The following C8orf89 variants were observed in gnomAD, a reference collection of about 807,000 sequenced individuals.
C8orf89 encodes the protein chromosome 8 open reading frame 89.
Under a neutral mutation model 15.8 loss-of-function variants are expected in C8orf89, and 14 were observed. The ratio of observed to expected loss-of-function variants is 0.89; its 90% CI spans 0.59 to 1.39. The LOEUF (loss-of-function observed/expected upper bound fraction) is 1.39. Among genes scored for constraint, C8orf89 ranks in the 40% most tolerant of loss-of-function variants. The pLI is 0.00. For synonymous variants in C8orf89, 55 were observed against 62.2 expected (o/e 0.88, Z 0.54); for missense variants, 181 against 184.5 (o/e 0.98, Z 0.11).
rs193246634 is a variant in C8orf89, at chr8:73,253,334, T to C, written c.282-3011A>G. Among the ~76,000 whole-genome samples, 434 of 152,360 alleles carry C rather than the reference T, an allele frequency of 2.8e-3. 1 individual carries two copies. The highest frequency in any genetic ancestry group is 1.0e-2 in the African/African-American group (415 of 41,588). On this transcript the variant is annotated intron_variant, in intron 2 of 3. Transcript: ENST00000624510. ...TATTTGTAATAATGTTTTCGGTTACTGTAGCCTTGTAGTATAGTTTGAAGT... is the reference window on the plus strand; with the variant it reads ...TATTTGTAATAATGTTTTCGGTTACCGTAGCCTTGTAGTATAGTTTGAAGT...
intron 3 of C8orf89, among the ~76,000 whole-genome samples, chr8:73,245,042 A>G (rs1013020955): frequency 1.5e-4 from 23 of 152,206 alleles, no homozygotes; most frequent in African/African-American, 5.5e-4. Flanking sequence ...CCAGAAGGCA[A>G]AAGCCATGTC....
intron 3 of C8orf89, among the ~76,000 whole-genome samples, chr8:73,249,024 G>A (rs1224272874): frequency 2.0e-5 from 3 of 151,994 alleles, no homozygotes; most frequent in African/African-American, 7.2e-5. Context: ...AGGTTTTTAA[G>A]CTTTTGCCCA....
upstream of C8orf89, chr8:73,259,570 T>A (rs914672406): frequency 3.3e-6 from 2 of 613,110 alleles, no homozygotes; most frequent in African/African-American, 3.8e-5. Flanking sequence ...TGTGTCATAA[T>A]GTTTCTCTTT....
chr8:73,262,617 G>A (rs1813549094), upstream of C8orf89, among the ~76,000 whole-genome samples: 1 of 151,860 alleles, frequency 6.6e-6, no homozygotes, highest in Non-Finnish European at 1.5e-5. Flanking sequence ...AGAAGTTTAA[G>A]ACCAACCCAG....
chr8:73,255,264 A>G (rs1257383502), intron 2 of C8orf89, among the ~76,000 whole-genome samples: 1 of 152,174 alleles, frequency 6.6e-6, no homozygotes, highest in East Asian at 1.9e-4. Flanking sequence ...ACTCAAACAA[A>G]TTTACAAGAA....
chr8:73,267,212 TG>T, the C8orf89 span, among the ~76,000 whole-genome samples: 1 of 152,156 alleles, frequency 6.6e-6, no homozygotes, highest in Admixed American at 6.5e-5. Flanking sequence ...TACATACCTA[TG>T]ATAATTTATA....
intron 2 of C8orf89, among the ~76,000 whole-genome samples, chr8:73,255,887 C>T (rs1432433677): frequency 6.7e-6 from 1 of 149,906 alleles, no homozygotes; most frequent in Admixed American, 6.7e-5. Flanking sequence ...CATATTCTCA[C>T]TCATAGGTGG....
chr8:73,263,103 T>C (rs1213889548), upstream of C8orf89, among the ~76,000 whole-genome samples: 1 of 152,210 alleles, frequency 6.6e-6, no homozygotes, highest in Non-Finnish European at 1.5e-5. Flanking sequence ...AAAAATGCTT[T>C]CTCAAATTAC....
chr8:73,284,259 G>A, the C8orf89 span, among the ~76,000 whole-genome samples: 2 of 129,230 alleles, frequency 1.5e-5, no homozygotes, highest in African/African-American at 5.8e-5. Flanking sequence ...TGTCACTCAG[G>A]CTGGTGTGCA....
chr8:73,268,569 C>T, the C8orf89 span, among the ~76,000 whole-genome samples: 4 of 152,032 alleles, frequency 2.6e-5, no homozygotes, highest in Non-Finnish European at 5.9e-5. Flanking sequence ...CTCTATGAGA[C>T]AATCAGGGTA....
chr8:73,273,709 A>C, the C8orf89 span, among the ~76,000 whole-genome samples: 1 of 150,326 alleles, frequency 6.7e-6, no homozygotes, highest in East Asian at 2.0e-4. Context: ...GTCTGCGCCC[A>C]GAGTGAGAAC....
the C8orf89 span, among the ~76,000 whole-genome samples, chr8:73,275,487 C>T: frequency 1.3e-5 from 2 of 152,138 alleles, no homozygotes; most frequent in Non-Finnish European, 2.9e-5. Context: ...ATCAACCCAC[C>T]TCAGCCTCCC....
chr8:73,242,975 TA>T (rs1206113631), intron 3 of C8orf89, among the ~76,000 whole-genome samples: 1 of 151,922 alleles, frequency 6.6e-6, no homozygotes, highest in Non-Finnish European at 1.5e-5. Flanking sequence ...TATTCAGCCA[TA>T]AAAAAATGAG....
the C8orf89 span, among the ~76,000 whole-genome samples, chr8:73,284,010 C>T: frequency 6.6e-6 from 1 of 150,926 alleles, no homozygotes; most frequent in Non-Finnish European, 1.5e-5. Context: ...CCATGGCACT[C>T]CAGCCTGGGC....
At chr8:73,266,356 G>T in the C8orf89 span, among the ~76,000 whole-genome samples, 1 of 152,184 alleles carries the variant, frequency 6.6e-6, no homozygotes, top group Non-Finnish European at 1.5e-5. Flanking sequence ...GGGATAGATT[G>T]CTCAAAGTTT....
intron 2 of C8orf89, among the ~76,000 whole-genome samples, chr8:73,254,033 A>C (rs1290257584): frequency 1.3e-5 from 2 of 152,132 alleles, no homozygotes; most frequent in Non-Finnish European, 2.9e-5. Context: ...GAATGCTTCC[A>C]GTTTTTGCCC....
At position 73,241,612 on chromosome 8, in the gene C8orf89, G is replaced by A. The variant is rs1813008729; in HGVS notation, c.338-7C>T. The A allele has an allele frequency of 6.7e-7, 1 of 1,501,574 alleles. No homozygotes were observed. The highest frequency in any genetic ancestry group is 1.4e-5 in the African/African-American group (1 of 71,986). The allele number at this position is 1,501,574 out of a possible 1,614,324, so 93.0% of individuals were successfully genotyped here. A position where few individuals can be genotyped will look rare whatever the true frequency, so the allele number is the denominator to read the frequency against. On this transcript the variant is annotated splice_region_variant and splice_polypyrimidine_tract_variant and intron_variant, in intron 3 of 3. Coordinates refer to ENST00000624510, the MANE Select transcript of C8orf89 (RefSeq NM_001243237.3). The stretch of plus-strand genomic sequence containing the variant: ...GGATCACTGAAGCCAGAACCTGGAG[G>A]AGGAGGTGGGGAGTCAGCTATTAAA...
At chr8:73,274,873 A>G in the C8orf89 span, among the ~76,000 whole-genome samples, 1 of 152,228 alleles carries the variant, frequency 6.6e-6, no homozygotes, top group Non-Finnish European at 1.5e-5. Flanking sequence ...TTGAGTGTAC[A>G]TATAGATTTA....
At chr8:73,256,852 TAAAAA>T in intron 2 of C8orf89, 116 bp downstream of exon 2, 7 of 460,976 alleles carry the variant, frequency 1.5e-5, no homozygotes, top group African/African-American at 2.2e-5. Flanking sequence ...ATCCTTTATG[TAAAAA>T]AAAAAAAAAA....
Sources: allele counts gnomAD v4.1 joint callset (sites outside exome capture counted in the v4.1 genomes callset), GRCh38; gene constraint gnomAD v4.1.1; transcripts MANE v1.5; gene names NCBI Gene and HGNC (gene_info 2026-07-23, HGNC 2026-07-21).